Variants in GSDME observed in about 807,000 individuals in gnomAD.
GSDME encodes gasdermin E.
In GSDME, 44 loss-of-function variants were observed where a neutral mutation model predicts 47.5. That is an observed-to-expected ratio of 0.93 (90% confidence interval 0.73 to 1.19). GSDME has a LOEUF of 1.19. Among genes scored for constraint, GSDME ranks in the 50% most tolerant of loss-of-function variants. The pLI is 0.00. For synonymous variants in GSDME, 258 were observed against 252.8 expected, an observed-to-expected ratio of 1.02 and a Z score of -0.20; for missense variants, 663 against 604.2, an observed-to-expected ratio of 1.10 and a Z score of -1.02.
At chr7:24,788,422 G>A in the GSDME span, among the ~76,000 whole-genome samples, 1 of 151,788 alleles carries the variant, frequency 6.6e-6, no homozygotes, top group Non-Finnish European at 1.5e-5. This position sits in a 1 kb window ranked among gnomAD's most constrained non-coding sequence, Gnocchi z 4.6. Flanking sequence ...TACTGGCTGG[G>A]CAGTACCCAC....
chr7:24,777,491 C>T, the GSDME span, among the ~76,000 whole-genome samples: 1 of 152,176 alleles, frequency 6.6e-6, no homozygotes, highest in East Asian at 1.9e-4. Flanking sequence ...AAAATGCAGA[C>T]ATACAGAAAG....
chr7:24,726,477 G>A lies in GSDME; in HGVS notation c.405-7259C>T, dbSNP rs6975201. On this transcript the variant is annotated intron_variant, in intron 3 of 9. Transcript: ENST00000645220. The surrounding 1 kb of genome is among the most constrained non-coding windows in gnomAD (Gnocchi z 5.6). ...GGCCAGATGCAAGTTTCTCAGGGAA[G>A]AGGCCAAGGCAGCCACCACTAGCAG... 5.9e-5 allele frequency among the ~76,000 whole-genome samples: 9 copies of A among 152,144 alleles called. No homozygotes were observed. Among genetic ancestry groups the A allele is most frequent in the African/African-American group, 9.7e-5 (4 of 41,420 alleles).
At chr7:24,701,721 G>A (rs1252100836) in intron 9 of GSDME, among the ~76,000 whole-genome samples, 3 of 152,176 alleles carry the variant, frequency 2.0e-5, no homozygotes, top group Non-Finnish European at 2.9e-5. Context: ...GCTGGCCCAG[G>A]ACACACATGC....
chr7:24,748,278 G>A (rs1363206395), intron 2 of GSDME, among the ~76,000 whole-genome samples: 4 of 151,420 alleles, frequency 2.6e-5, no homozygotes, highest in African/African-American at 9.7e-5. Flanking sequence ...TCCTGCCTCG[G>A]CCTCTTAAGT....
chr7:24,719,143 C>T lies in GSDME; in HGVS notation c.480G>A (p.Gln160=). ...CACACTTCTGCATCGTCGTGATCTT[C>T]TGTGTCAAAACGCACAGGACCTCAT... is the stretch of plus-strand genomic sequence containing the variant. ...GRNEVLCVLT[Q]KITTMQKCVI... The change falls in exon 4 of 10, where the codon CAG becomes CAA. Residue 160 remains glutamine (Q), a synonymous_variant. Coordinates refer to ENST00000645220, the MANE Select transcript of GSDME (RefSeq NM_001127453.2). 2 of 1,613,964 alleles carry T rather than the reference C, an allele frequency of 1.2e-6. No homozygotes were observed. The highest frequency in any genetic ancestry group is 1.7e-6 in the Non-Finnish European group (2 of 1,180,032).
At chr7:24,786,194 C>T in the GSDME span, among the ~76,000 whole-genome samples, 8 of 152,198 alleles carry the variant, frequency 5.3e-5, no homozygotes, top group African/African-American at 1.9e-4. This position sits in a 1 kb window ranked among gnomAD's most constrained non-coding sequence, Gnocchi z 5.5. Flanking sequence ...CCAAAGTCTA[C>T]CCACTAACTA....
At chr7:24,787,958 G>A in the GSDME span, among the ~76,000 whole-genome samples, 3 of 152,154 alleles carry the variant, frequency 2.0e-5, no homozygotes, top group African/African-American at 7.2e-5. This position sits in a 1 kb window ranked among gnomAD's most constrained non-coding sequence, Gnocchi z 5.0. Context: ...GCCCACCTCG[G>A]CCTCCCAAAG....
Position 24,702,966 on chromosome 7 carries a change from C to T in GSDME, c.1184-133G>A, listed in dbSNP as rs2074142. The stretch of plus-strand genomic sequence containing the variant: ...AGGCAGGGGAGGTACTCAGCAGTTG[C>T]TGAGTTAGTGAATGAATGGTGCTAA... On this transcript the variant is annotated intron_variant, in intron 8 of 9. Transcript: ENST00000645220. 246,891 of 700,186 alleles carry T rather than the reference C, an allele frequency of 0.35. 51,473 individuals are homozygous for T. The highest frequency in any genetic ancestry group is 0.71 in the East Asian group (23,152 of 32,630). 43.4% of individuals were successfully genotyped at this position (700,186 alleles called of 1,614,324 possible). A position where few individuals can be genotyped will look rare whatever the true frequency, so the allele number is the denominator to read the frequency against.
chr7:24,710,963 CTG>C (rs1446684976), intron 5 of GSDME, among the ~76,000 whole-genome samples: 1 of 152,200 alleles, frequency 6.6e-6, no homozygotes, highest in Non-Finnish European at 1.5e-5. Flanking sequence ...CTCTCTGAAT[CTG>C]TTTCTACAAA....
chr7:24,749,258 T>C (rs1790776101), intron 2 of GSDME, among the ~76,000 whole-genome samples: 1 of 152,108 alleles, frequency 6.6e-6, no homozygotes. Flanking sequence ...TCTCAGCACT[T>C]TGGGAGACCG....
chr7:24,701,171 C>T (rs565102018), intron 9 of GSDME, among the ~76,000 whole-genome samples: 63 of 152,286 alleles, frequency 4.1e-4, no homozygotes, highest in Non-Finnish European at 6.6e-4. Flanking sequence ...AGAAACATGA[C>T]GCTCAAATTC....
Position 24,744,411 on chromosome 7 carries a change from T to C in GSDME, c.404+151A>G, listed in dbSNP as rs1158216921. 13 of 867,792 alleles carry C rather than the reference T, an allele frequency of 1.5e-5. No homozygotes were observed. The highest frequency in any genetic ancestry group is 1.9e-6 in the Non-Finnish European group (1 of 531,320). The allele number at this position is 867,792 out of a possible 1,614,324, so 53.8% of individuals were successfully genotyped here. On this transcript the variant is annotated intron_variant, in intron 3 of 9. Transcript: ENST00000645220. The surrounding 1 kb of genome is among the most constrained non-coding windows in gnomAD (Gnocchi z 4.5). ...TCAAGCAATTCCAGACTAAAGAATGTGCTCCTCATGAAATTTCAACACAAG... is the reference window on the plus strand; with the variant it reads ...TCAAGCAATTCCAGACTAAAGAATGCGCTCCTCATGAAATTTCAACACAAG...
chr7:24,793,807 G>T, the GSDME span, among the ~76,000 whole-genome samples: 1 of 147,984 alleles, frequency 6.8e-6, no homozygotes, highest in Non-Finnish European at 1.5e-5. Context: ...TTTAACTTAG[G>T]ATAGTTCTGA....
chr7:24,705,748 C>T lies in GSDME; in HGVS notation c.1183+436G>A, dbSNP rs1789069392. On this transcript the variant is annotated intron_variant, in intron 8 of 9. Transcript: ENST00000645220. The surrounding 1 kb of genome is among the most constrained non-coding windows in gnomAD (Gnocchi z 4.1). ...AATGCTCTCCACAGCCCCCTTGCCC[C>T]AGACAGGAGCACGCAGGGTGGGGAA... The T allele has an allele frequency of 3.1e-6, 1 of 319,446 alleles. No homozygotes were observed. The highest frequency in any genetic ancestry group is 8.3e-5 in the East Asian group (1 of 12,006). 19.8% of individuals were successfully genotyped at this position (319,446 alleles called of 1,614,324 possible).
intron 7 of GSDME, 126 bp downstream of exon 7, chr7:24,708,001 T>A: frequency 8.2e-7 from 1 of 1,225,938 alleles, no homozygotes; most frequent in South Asian, 1.4e-5. Context: ...GACCCAAGAG[T>A]CAGAAAAGAG....
chr7:24,708,895 T>G (rs1789233631), intron 6 of GSDME, among the ~76,000 whole-genome samples: 3 of 152,108 alleles, frequency 2.0e-5, no homozygotes, highest in African/African-American at 7.3e-5. Flanking sequence ...CCTTTCTTTG[T>G]TTTTTGGTTT....
chr7:24,713,350 T>C (rs1789430154), intron 5 of GSDME, among the ~76,000 whole-genome samples: 1 of 151,690 alleles, frequency 6.6e-6, no homozygotes, highest in African/African-American at 2.4e-5. Flanking sequence ...CCTTCAGAGG[T>C]TTTATGACCT....
At chr7:24,793,774 C>T in the GSDME span, among the ~76,000 whole-genome samples, 3 of 151,754 alleles carry the variant, frequency 2.0e-5, no homozygotes, top group Non-Finnish European at 4.4e-5. Context: ...ATAAATTCTA[C>T]CCCCCTTTTC....
In GSDME at chr7:24,725,733, C is replaced by A. The variant is rs901106426; in HGVS notation, c.405-6515G>T. The stretch of plus-strand genomic sequence containing the variant: ...GTATAGATAACATAACTGATTAGGT[C>A]AGGGGTCAATCTTTAACGACCAGGC... On this transcript the variant is annotated intron_variant, in intron 3 of 9. Coordinates refer to ENST00000645220, the MANE Select transcript of GSDME (RefSeq NM_001127453.2). This position sits in a 1 kb window ranked among gnomAD's most constrained non-coding sequence, Gnocchi z 5.1. Among the ~76,000 whole-genome samples the A allele has an allele frequency of 2.0e-5, 3 of 152,108 alleles. No individual in the cohort carries two copies. The highest frequency in any genetic ancestry group is 2.0e-4 in the Admixed American group (3 of 15,282).
Sources: gnomAD v4.1 joint callset for allele counts (sites outside exome capture counted in the v4.1 genomes callset) on GRCh38, gnomAD v4.1.1 for gene constraint, Gnocchi (gnomAD v3.1) non-coding constraint, MANE v1.5 for transcripts, NCBI Gene and HGNC (gene_info 2026-07-23, HGNC 2026-07-21) for gene names.